The following BTBD8 variants were observed in gnomAD, a reference collection of about 807,000 sequenced individuals.
BTBD8 encodes BTB domain containing 8, also known as BTB/POZ domain-containing protein 8.
In BTBD8, 110 loss-of-function variants were observed where a neutral mutation model predicts 162.9. That is an observed-to-expected ratio of 0.68 (90% CI 0.58 to 0.79). The LOEUF (loss-of-function observed/expected upper bound fraction) is 0.79, where lower values mean the gene tolerates loss of function less well. Among genes scored for constraint, BTBD8 ranks in the 30% least tolerant of loss-of-function variants. The pLI, the probability that BTBD8 is intolerant of heterozygous loss-of-function variation, is 0.00. For synonymous variants in BTBD8, 667 were observed against 716.1 expected, an observed-to-expected ratio of 0.93 and a Z score of 1.10; for missense variants, 1,905 against 2,085.4, an observed-to-expected ratio of 0.91 and a Z score of 1.68.
intron 13 of BTBD8, among the ~76,000 whole-genome samples, chr1:92,173,934 TTTTG>T (rs1265340641): frequency 2.0e-5 from 3 of 151,702 alleles, no homozygotes; most frequent in Admixed American, 6.6e-5. Flanking sequence ...GAAAGAGGTT[TTTTG>T]TTTGTTTGTT....
Position 92,147,475 on chromosome 1 carries a change from C to T in BTBD8, c.1019+207C>T, listed in dbSNP as rs201642528. Among the ~76,000 whole-genome samples the T allele has an allele frequency of 1.3e-4, 20 of 152,030 alleles. No homozygotes were observed. The East Asian group carries it at 3.9e-3, about 29-fold the overall frequency. On this transcript the variant is annotated intron_variant, in intron 8 of 17. Transcript: ENST00000636805. Reference sequence around the variant, plus strand: ...TGGGATCATTTTATCTTAGCTGAACCATGGTTAATTATGTTAAAATCTGTG... The same window carrying T: ...TGGGATCATTTTATCTTAGCTGAACTATGGTTAATTATGTTAAAATCTGTG...
intron 13 of BTBD8, among the ~76,000 whole-genome samples, chr1:92,175,203 G>A (rs896311827): frequency 6.6e-6 from 1 of 151,886 alleles, no homozygotes; most frequent in Non-Finnish European, 1.5e-5. Flanking sequence ...ACAATAGGAC[G>A]GGCGCGGTGG....
chr1:92,081,698 C>G (rs1050764660), intron 1 of BTBD8, among the ~76,000 whole-genome samples: 3 of 152,144 alleles, frequency 2.0e-5, no homozygotes, highest in Non-Finnish European at 2.9e-5. Flanking sequence ...CTCAACCTCC[C>G]GAGTAGCTGG....
intron 4 of BTBD8, chr1:92,115,239 G>T (rs1649001761): frequency 2.1e-6 from 1 of 485,138 alleles, no homozygotes; most frequent in Non-Finnish European, 4.0e-6. Flanking sequence ...TCCCAGAGGG[G>T]CCATCCACAG....
At chr1:92,128,020 A>C (rs60531456) in intron 4 of BTBD8, among the ~76,000 whole-genome samples, 1 of 152,180 alleles carries the variant, frequency 6.6e-6, no homozygotes, top group Admixed American at 6.5e-5. Context: ...TTCTCTAGCA[A>C]ACTTTTTAAA....
chr1:92,088,672 C>T, intron 1 of BTBD8, 26 bp from the exon 2 acceptor site: 1 of 1,491,986 alleles, frequency 6.7e-7, no homozygotes, highest in African/African-American at 1.4e-5. Flanking sequence ...ACTAATTAAA[C>T]TATGATTCCT....
At chr1:92,161,626 C>T (rs1184252055) in intron 9 of BTBD8, among the ~76,000 whole-genome samples, 1 of 152,140 alleles carries the variant, frequency 6.6e-6, no homozygotes, top group Admixed American at 6.5e-5. Context: ...TCCTGAACTT[C>T]ATTTATTTAA....
chr1:92,184,137 T>A lies in BTBD8; in HGVS notation c.5186T>A (p.Ile1729Asn). The change falls in exon 18 of 18, where the codon ATC (isoleucine) becomes AAC (asparagine). Residue 1729 changes from isoleucine to asparagine, a missense_variant. By Grantham distance (149) the Ile-to-Asn change is moderately radical. This residue lies in a region of BTBD8 where 517 missense variants were observed against 606.6 expected (regional missense o/e 0.85). Transcript: ENST00000636805. Reference protein sequence around the residue: ...PEDLSLAQYLINQTLLLARDS... With the variant: ...PEDLSLAQYLNNQTLLLARDS... The stretch of plus-strand genomic sequence containing the variant: ...GACTTAAGTTTAGCACAGTATCTAA[T>A]CAATCAGACACTACTTTTAGCACGA... 6.4e-7 allele frequency: 1 copy of A among 1,551,672 alleles called. No individual in the cohort carries two copies. The highest frequency in any genetic ancestry group is 1.2e-5 in the South Asian group (1 of 84,064).
At chr1:92,153,027 G>T (rs183086905) in intron 9 of BTBD8, among the ~76,000 whole-genome samples, 2 of 152,036 alleles carry the variant, frequency 1.3e-5, no homozygotes, top group Non-Finnish European at 2.9e-5. Flanking sequence ...CTCAAAATTC[G>T]AAGTATGTTA....
chr1:92,154,798 G>A (rs1411150551), intron 9 of BTBD8, among the ~76,000 whole-genome samples: 2 of 152,022 alleles, frequency 1.3e-5, no homozygotes, highest in South Asian at 2.1e-4. Context: ...ACTCGTTTAT[G>A]TTTGCTTTTA....
chr1:92,116,662 T>G (rs1284057925), intron 4 of BTBD8, among the ~76,000 whole-genome samples: 4 of 152,050 alleles, frequency 2.6e-5, no homozygotes, highest in Non-Finnish European at 4.4e-5. Context: ...GATTAGTGTT[T>G]ATGTGGTATT....
chr1:92,080,522 G>A lies in BTBD8; in HGVS notation c.-50G>A. 1 of 1,600,374 alleles carries A rather than the reference G, an allele frequency of 6.2e-7. No individual in the cohort carries two copies. Among genetic ancestry groups the A allele is most frequent in the South Asian group, 1.1e-5 (1 of 89,408 alleles). ...CGCCCCCTTCTTCCTCCTGGGCGGG[G>A]CAAGTGAGGCCAAGTACTGGGCCTC... On this transcript the variant is annotated 5_prime_UTR_variant, in exon 1 of 18. Coordinates refer to ENST00000636805, the MANE Select transcript of BTBD8 (RefSeq NM_001376131.1).
intron 9 of BTBD8, among the ~76,000 whole-genome samples, chr1:92,154,380 C>T (rs1479033152): frequency 2.0e-5 from 3 of 152,168 alleles, no homozygotes; most frequent in South Asian, 4.2e-4. Context: ...ATAGCAGCTG[C>T]ACCATTTTGC....
In BTBD8 at chr1:92,180,522, A is replaced by G. The variant is rs1280963630; in HGVS notation, c.2839A>G (p.Ile947Val). 4.5e-6 allele frequency: 7 copies of G among 1,551,620 alleles called. No individual in the cohort carries two copies. Among genetic ancestry groups the G allele is most frequent in the Non-Finnish European group, 6.1e-6 (7 of 1,146,938 alleles). The change falls in exon 17 of 18, where the codon ATA (isoleucine) becomes GTA (valine). Residue 947 changes from isoleucine (I) to valine (V), a missense_variant. Physicochemically the swap from Ile to Val is conservative, Grantham distance 29. This residue lies in a region of BTBD8 where 1,374 missense variants were observed against 1,442.7 expected (regional missense o/e 0.95). Coordinates refer to ENST00000636805, the MANE Select transcript of BTBD8 (RefSeq NM_001376131.1). ...SKQKMPPGQV[I>V]SKTQPSSQRP... ...ACAGAAAATGCCTCCTGGACAGGTT[A>G]TATCAAAAACTCAGCCTTCCTCCCA...
intron 5 of BTBD8, among the ~76,000 whole-genome samples, chr1:92,137,355 T>C (rs1649658809): frequency 6.6e-6 from 1 of 152,130 alleles, no homozygotes; most frequent in African/African-American, 2.4e-5. Context: ...GAAACCTGTA[T>C]GAGAGGATAC....
chr1:92,097,874 G>C (rs1473255899), intron 2 of BTBD8, among the ~76,000 whole-genome samples: 1 of 152,178 alleles, frequency 6.6e-6, no homozygotes, highest in Non-Finnish European at 1.5e-5. Flanking sequence ...GAAAAGCTGC[G>C]TGGGGCAAAG....
intron 4 of BTBD8, among the ~76,000 whole-genome samples, chr1:92,110,039 A>G (rs1390403981): frequency 1.3e-5 from 2 of 152,208 alleles, no homozygotes; most frequent in Non-Finnish European, 2.9e-5. Flanking sequence ...CTATTAAGCT[A>G]ATATTTCATG....
In BTBD8 at chr1:92,171,446, T is replaced by C; in HGVS notation, c.1621T>C (p.Phe541Leu). The change falls in exon 13 of 18, where the codon TTC (phenylalanine) becomes CTC (leucine). Residue 541 changes from phenylalanine (F) to leucine (L), a missense_variant. This residue lies in a region of BTBD8 where 1,374 missense variants were observed against 1,442.7 expected (regional missense o/e 0.95). Transcript: ENST00000636805. ...DDRRLGKKPI[F>L]SSSQQRKQVS... is the part of the protein sequence containing the mutation. ...TCGAAGACTTGGCAAAAAGCCTATATTCAGTAGCTCGCAGGTAAACTTTCT... is the reference window on the plus strand; with the variant it reads ...TCGAAGACTTGGCAAAAAGCCTATACTCAGTAGCTCGCAGGTAAACTTTCT... The C allele has an allele frequency of 6.5e-7, 1 of 1,528,266 alleles. No homozygotes were observed. The highest frequency in any genetic ancestry group is 8.8e-7 in the Non-Finnish European group (1 of 1,134,694). The allele number at this position is 1,528,266 out of a possible 1,614,324, so 94.7% of individuals were successfully genotyped here. A position where few individuals can be genotyped will look rare whatever the true frequency, so the allele number is the denominator to read the frequency against.
intron 4 of BTBD8, among the ~76,000 whole-genome samples, chr1:92,119,228 G>T (rs1321191007): frequency 1.3e-5 from 2 of 149,576 alleles, no homozygotes; most frequent in Admixed American, 1.3e-4. Context: ...TTACTCTTTT[G>T]TAATCACACT....
Sources: gnomAD v4.1 joint callset for allele counts (sites outside exome capture counted in the v4.1 genomes callset) on GRCh38, gnomAD v4.1.1 for gene constraint, gnomAD v4.1.1 regional missense constraint, MANE v1.5 for transcripts, NCBI Gene and HGNC (gene_info 2026-07-23, HGNC 2026-07-21) for gene names.